GLCCI1: variants seen among roughly 807,000 people sequenced by gnomAD.
The protein encoded by GLCCI1 is glucocorticoid induced 1, also known as glucocorticoid-induced transcript 1 protein.
A neutral mutation model predicts 52.2 loss-of-function variants in GLCCI1; 24 were observed. The ratio of observed to expected loss-of-function variants is 0.46; its 90% CI spans 0.33 to 0.65. The LOEUF is 0.65. Ranked by LOEUF, GLCCI1 falls within the 30% of genes least tolerant of loss-of-function variation. The pLI, the probability that GLCCI1 is intolerant of heterozygous loss-of-function variation, is 0.02. For missense variants in GLCCI1, 704 were observed against 701.5 expected, an observed-to-expected ratio of 1.00 and a Z score of -0.04; for synonymous variants, 310 against 276.5, an observed-to-expected ratio of 1.12 and a Z score of -1.20.
chr7:7,992,491 T>C (rs188662504), intron 1 of GLCCI1, among the ~76,000 whole-genome samples: 85 of 152,202 alleles, frequency 5.6e-4, no homozygotes, highest in Non-Finnish European at 9.1e-4. Context: ...AACTCAGATA[T>C]AGCTTTTTTA....
At chr7:8,009,079 A>G (rs1269189633) in intron 2 of GLCCI1, among the ~76,000 whole-genome samples, 1 of 152,216 alleles carries the variant, frequency 6.6e-6, no homozygotes, top group Non-Finnish European at 1.5e-5. Flanking sequence ...ATACAGCTTT[A>G]CATTTTTAAG....
rs1583942478 is a variant in GLCCI1, at chr7:7,980,863, A to G, written c.457+11056A>G. 39 of 653,362 alleles carry G rather than the reference A, an allele frequency of 6.0e-5. No homozygotes were observed. The East Asian group carries it at 1.0e-3, about 17-fold the overall frequency. The allele number at this position is 653,362 out of a possible 1,614,324, so 40.5% of individuals were successfully genotyped here. On this transcript the variant is annotated intron_variant, in intron 1 of 7. Coordinates refer to ENST00000223145, the MANE Select transcript of GLCCI1 (RefSeq NM_138426.4). ...GTACCATATCAGGATATCAGGATAA[A>G]TTATATAGTGATTTTAGATGGTCCA...
intron 1 of GLCCI1, chr7:7,981,319 T>A (rs1780614249): frequency 4.4e-6 from 1 of 228,520 alleles, no homozygotes; most frequent in Admixed American, 6.3e-5. Flanking sequence ...TCTGTCTCTC[T>A]TTCTTTCTTT....
rs905659531 is a variant in GLCCI1, at chr7:8,086,850, A to G, written c.*312A>G. Reference sequence around the variant, plus strand: ...AGATTCTTCAGTATAAATAAGCTCTATATCAAAAAGTTGCCTGTCTAAATA... The same window carrying G: ...AGATTCTTCAGTATAAATAAGCTCTGTATCAAAAAGTTGCCTGTCTAAATA... On this transcript the variant is annotated 3_prime_UTR_variant, in exon 8 of 8. Transcript: ENST00000223145. The surrounding 1 kb of genome is among the most constrained non-coding windows in gnomAD (Gnocchi z 4.4). 13 of 233,724 alleles carry G rather than the reference A, an allele frequency of 5.6e-5. No homozygotes were observed. The highest frequency in any genetic ancestry group is 9.2e-5 in the Non-Finnish European group (11 of 120,074). 14.5% of individuals were successfully genotyped at this position (233,724 alleles called of 1,614,324 possible).
intron 3 of GLCCI1, among the ~76,000 whole-genome samples, chr7:8,031,877 T>C (rs1472040949): frequency 1.3e-5 from 2 of 151,886 alleles, no homozygotes; most frequent in Non-Finnish European, 2.9e-5. Context: ...AATAAAAAGG[T>C]TAGTGCAAAA....
chr7:8,086,432 C>T lies in GLCCI1; in HGVS notation c.1538C>T (p.Ala513Val), dbSNP rs199798906. Residue 513 changes from alanine (A) to valine (V), a missense_variant, in exon 8 of 8, where the codon GCG becomes GTG. By Grantham distance (64) the Ala-to-Val change is moderately conservative. Coordinates refer to ENST00000223145, the MANE Select transcript of GLCCI1 (RefSeq NM_138426.4). The surrounding 1 kb of genome is among the most constrained non-coding windows in gnomAD (Gnocchi z 4.4). ...FTSLSDDTST[A>V]GSMEASVQQP... The stretch of plus-strand genomic sequence containing the variant: ...TCTCTTTCTGATGACACCAGCACAG[C>T]GGGCTCCATGGAGGCCTCTGTCCAG... 84 of 1,614,184 alleles carry T rather than the reference C, an allele frequency of 5.2e-5. No homozygotes were observed. Among genetic ancestry groups the T allele is most frequent in the Non-Finnish European group, 1.5e-5 (18 of 1,180,036 alleles).
intron 5 of GLCCI1, among the ~76,000 whole-genome samples, chr7:8,067,667 A>G (rs1295450006): frequency 6.6e-6 from 1 of 152,162 alleles, no homozygotes; most frequent in Non-Finnish European, 1.5e-5. Flanking sequence ...CTCGCTTGGA[A>G]TAGGCTCCAA....
intron 1 of GLCCI1, among the ~76,000 whole-genome samples, chr7:7,997,735 C>G (rs150483461): frequency 0.028 from 4,270 of 152,102 alleles, 190 homozygotes; most frequent in African/African-American, 0.09. Flanking sequence ...CAAGACCAGC[C>G]TGGCCAACAT....
At chr7:8,041,253 C>A (rs111828823) in intron 3 of GLCCI1, among the ~76,000 whole-genome samples, 238 of 152,194 alleles carry the variant, frequency 1.6e-3, no homozygotes, top group African/African-American at 5.4e-3. Flanking sequence ...AGAGAAGGGC[C>A]CTAATTCTCT....
chr7:8,015,831 G>A (rs1206725101), intron 2 of GLCCI1, among the ~76,000 whole-genome samples: 2 of 152,150 alleles, frequency 1.3e-5, no homozygotes, highest in Non-Finnish European at 2.9e-5. Flanking sequence ...AAAGTAGAAA[G>A]TATACAGCGA....
In GLCCI1 at chr7:7,997,820, G is replaced by A. The variant is rs117952961; in HGVS notation, c.458-6088G>A. On this transcript the variant is annotated intron_variant, in intron 1 of 7. Transcript: ENST00000223145. ...GTTCATACTTGTAATCCAGCTACTC[G>A]GGAGCCTGAGACATGAGAATTACTT... Among the ~76,000 whole-genome samples the A allele has an allele frequency of 5.0e-3, 758 of 151,908 alleles. 12 individuals carry two copies. The highest frequency in any genetic ancestry group is 0.042 in the East Asian group (215 of 5,162).
At chr7:8,031,137 T>A (rs905420352) in intron 3 of GLCCI1, among the ~76,000 whole-genome samples, 1 of 152,120 alleles carries the variant, frequency 6.6e-6, no homozygotes, top group Non-Finnish European at 1.5e-5. Context: ...GGAAGCAGCC[T>A]AAGTGTCCGT....
intron 3 of GLCCI1, among the ~76,000 whole-genome samples, chr7:8,049,033 A>G (rs1457244313): frequency 6.6e-6 from 1 of 152,286 alleles, no homozygotes; most frequent in East Asian, 1.9e-4. Flanking sequence ...AAAAAGATAG[A>G]TTTACTATTC....
intron 1 of GLCCI1, among the ~76,000 whole-genome samples, chr7:7,976,510 AG>A (rs1780475346): frequency 4.8e-5 from 7 of 144,496 alleles, no homozygotes; most frequent in South Asian, 2.2e-4. Flanking sequence ...GAAAGGAAAA[AG>A]GAAAGGAGAA....
chr7:8,069,218 C>T (rs1370900534), intron 5 of GLCCI1, among the ~76,000 whole-genome samples: 1 of 152,028 alleles, frequency 6.6e-6, no homozygotes, highest in East Asian at 1.9e-4. Flanking sequence ...CTGGGGTCCA[C>T]CCCAGAGAAA....
At chr7:7,977,044 C>G (rs748847196) in intron 1 of GLCCI1, among the ~76,000 whole-genome samples, 5 of 152,082 alleles carry the variant, frequency 3.3e-5, no homozygotes, top group Non-Finnish European at 7.4e-5. Flanking sequence ...TAACTACTGA[C>G]AGTAATAATT....
At chr7:8,076,440 T>A (rs959870181) in intron 6 of GLCCI1, among the ~76,000 whole-genome samples, 9 of 152,220 alleles carry the variant, frequency 5.9e-5, no homozygotes, top group African/African-American at 1.9e-4. Context: ...CTAGAATTCA[T>A]GTCCCTAAGG....
chr7:7,972,098 A>T (rs1583934595), intron 1 of GLCCI1, among the ~76,000 whole-genome samples: 1 of 152,170 alleles, frequency 6.6e-6, no homozygotes, highest in Admixed American at 6.5e-5. Context: ...AAAATCCATG[A>T]TCTGAACAGT....
intron 1 of GLCCI1, among the ~76,000 whole-genome samples, chr7:7,971,195 C>T (rs1780347448): frequency 6.6e-6 from 1 of 152,094 alleles, no homozygotes; most frequent in Non-Finnish European, 1.5e-5. Flanking sequence ...CACTCCTCCC[C>T]CAGGTCAAGC....
Sources: allele counts gnomAD v4.1 joint callset (sites outside exome capture counted in the v4.1 genomes callset), GRCh38; gene constraint gnomAD v4.1.1; non-coding constraint Gnocchi (gnomAD v3.1); transcripts MANE v1.5; gene names NCBI Gene and HGNC (gene_info 2026-07-23, HGNC 2026-07-21).